Variants in HIVEP1 observed in about 807,000 individuals in gnomAD.
HIVEP1 encodes HIVEP zinc finger 1.
In HIVEP1, 36 loss-of-function variants were observed where a neutral mutation model predicts 180.0. The observed-to-expected ratio is 0.20, with a 90% CI of 0.15 to 0.26. The LOEUF (loss-of-function observed/expected upper bound fraction) is 0.26, where lower values mean the gene tolerates loss of function less well. Among genes scored for constraint, HIVEP1 ranks in the 10% least tolerant of loss-of-function variants. The pLI is 1.00. For missense variants in HIVEP1, 3,143 were observed against 3,268.7 expected (o/e 0.96, Z 0.94); for synonymous variants, 1,239 against 1,239.0 (o/e 1.00, Z 0.00).
At chr6:12,090,735 C>CTTTTTTTTTTTTTTTTTTT (rs35266647) in intron 3 of HIVEP1, among the ~76,000 whole-genome samples, 9 of 82,440 alleles carry the variant, frequency 1.1e-4, no homozygotes, top group African/African-American at 4.2e-4. Context: ...TATAGCCAGC[C>CTTTTTTTTTTTTTTTTTTT]TTTTTTTTTT....
At chr6:12,162,662 A>G (rs925656101) in intron 8 of HIVEP1, among the ~76,000 whole-genome samples, 1 of 152,174 alleles carries the variant, frequency 6.6e-6, no homozygotes, top group African/African-American at 2.4e-5. Context: ...AATAGGATTT[A>G]TGCCTAATTG....
At chr6:12,096,112 T>C (rs1773768681) in intron 3 of HIVEP1, among the ~76,000 whole-genome samples, 1 of 152,060 alleles carries the variant, frequency 6.6e-6, no homozygotes, top group Non-Finnish European at 1.5e-5. Context: ...TACCAGTAAT[T>C]TCTTTTCAGC....
intron 1 of HIVEP1, among the ~76,000 whole-genome samples, chr6:12,015,083 C>T (rs913084235): frequency 6.6e-6 from 1 of 152,214 alleles, no homozygotes; most frequent in African/African-American, 2.4e-5. Context: ...GTGGTCCTAC[C>T]ATGAACCTAG....
chr6:12,175,567 T>C, the HIVEP1 span, among the ~76,000 whole-genome samples: 1 of 152,250 alleles, frequency 6.6e-6, no homozygotes, highest in Non-Finnish European at 1.5e-5. Context: ...TGCAAGTCCA[T>C]GGTCAGATGT....
intron 2 of HIVEP1, among the ~76,000 whole-genome samples, chr6:12,066,050 A>T (rs1771558152): frequency 6.6e-6 from 1 of 152,088 alleles, no homozygotes; most frequent in South Asian, 2.1e-4. Context: ...ATGAGAAGGA[A>T]CACCATGAGC....
rs70981665 is a variant in HIVEP1 at position 12,104,425 on chromosome 6, C to CTTTTTTTTTT, written c.94+15203_94+15212dup. On this transcript the variant is annotated intron_variant, in intron 3 of 8. Transcript: ENST00000379388. ...CTCTCTCTCTCTCTCCTTTTCTTTCCTTTTTTTTTTTTTTTTTTTTTTTTC... is the reference window on the plus strand; with the variant it reads ...CTCTCTCTCTCTCTCCTTTTCTTTCCTTTTTTTTTTTTTTTTTTTTTTTTTTTTTTTTTTC... 7.4e-4 allele frequency among the ~76,000 whole-genome samples: 54 copies of CTTTTTTTTTT among 72,776 alleles called. 1 individual carries two copies. The highest frequency in any genetic ancestry group is 1.1e-3 in the Non-Finnish European group (44 of 40,674). The allele number at this position is 72,776 out of a possible 152,430, so 47.7% of individuals were successfully genotyped here.
the HIVEP1 span, among the ~76,000 whole-genome samples, chr6:12,175,590 A>G: frequency 2.0e-5 from 3 of 152,054 alleles, no homozygotes; most frequent in Non-Finnish European, 4.4e-5. Context: ...ATCTGTGACT[A>G]TGTTCAAAAC....
At chr6:12,074,790 G>T (rs1053340749) in intron 2 of HIVEP1, among the ~76,000 whole-genome samples, 17 of 151,924 alleles carry the variant, frequency 1.1e-4, no homozygotes, top group African/African-American at 4.1e-4. Flanking sequence ...ATCAGTATTG[G>T]AGTAGGATTA....
the HIVEP1 span, among the ~76,000 whole-genome samples, chr6:12,171,304 C>T: frequency 5.3e-5 from 8 of 152,302 alleles, no homozygotes; most frequent in South Asian, 1.7e-3. Flanking sequence ...CCTACTGCCT[C>T]AGCCTCCCAA....
At chr6:12,194,231 T>C in the HIVEP1 span, among the ~76,000 whole-genome samples, 3 of 152,184 alleles carry the variant, frequency 2.0e-5, no homozygotes. Context: ...ATAATGTGAC[T>C]TCTAGAAAAT....
At chr6:12,143,145 T>G (rs1759153518) in intron 7 of HIVEP1, among the ~76,000 whole-genome samples, 1 of 152,208 alleles carries the variant, frequency 6.6e-6, no homozygotes, top group Non-Finnish European at 1.5e-5. Context: ...AATAAAATAC[T>G]GGCAAACCAA....
intron 3 of HIVEP1, 69 bp downstream of exon 3, chr6:12,089,306 G>T: frequency 1.2e-6 from 1 of 844,358 alleles, no homozygotes; most frequent in Non-Finnish European, 1.9e-6. Flanking sequence ...CCTCATAAAT[G>T]TAGCCTTATG....
At chr6:12,147,288 G>GA (rs957332025) in intron 7 of HIVEP1, among the ~76,000 whole-genome samples, 2 of 152,128 alleles carry the variant, frequency 1.3e-5, no homozygotes, top group African/African-American at 4.8e-5. Context: ...TCTGACACTT[G>GA]AAAACTATTA....
intron 2 of HIVEP1, among the ~76,000 whole-genome samples, chr6:12,086,570 C>T (rs893794559): frequency 2.0e-5 from 3 of 151,928 alleles, no homozygotes; most frequent in East Asian, 1.9e-4. Flanking sequence ...TCAAGACTTA[C>T]GGTGAGAGAT....
chr6:12,205,013 C>T, the HIVEP1 span, among the ~76,000 whole-genome samples: 5 of 152,156 alleles, frequency 3.3e-5, no homozygotes, highest in East Asian at 5.8e-4. Context: ...GGGCAGAGAG[C>T]GCCTGTGTGT....
chr6:12,132,551 G>A (rs1034356497), intron 6 of HIVEP1, among the ~76,000 whole-genome samples: 2 of 152,146 alleles, frequency 1.3e-5, no homozygotes, highest in Admixed American at 1.3e-4. Flanking sequence ...AAAATATGAT[G>A]AGTCACAAAT....
chr6:12,118,170 T>C (rs1444185460), intron 3 of HIVEP1, among the ~76,000 whole-genome samples: 4 of 151,514 alleles, frequency 2.6e-5, no homozygotes, highest in African/African-American at 9.7e-5. Flanking sequence ...TGGGTAAATA[T>C]ATCTTTAATG....
rs1760555802 is a variant in HIVEP1, at chr6:12,163,686, G to T, written c.7382G>T (p.Ser2461Ile). The change falls in exon 9 of 9, where the codon AGC (serine) becomes ATC (isoleucine). Residue 2461 changes from serine (S) to isoleucine (I), a missense_variant. Ser to Ile is a moderately radical substitution (Grantham distance 142). Transcript: ENST00000379388. ...TTNPAGVAELSSVVPCIPIGQ... is the reference protein window; with the variant it reads ...TTNPAGVAELISVVPCIPIGQ... ...AACCCTGCTGGAGTGGCTGAATTAAGCAGTGTTGTGCCATGTATTCCTATC... is the reference window on the plus strand; with the variant it reads ...AACCCTGCTGGAGTGGCTGAATTAATCAGTGTTGTGCCATGTATTCCTATC... 1.9e-6 allele frequency: 3 copies of T among 1,614,028 alleles called. No homozygotes were observed. The highest frequency in any genetic ancestry group is 1.7e-6 in the Non-Finnish European group (2 of 1,180,040).
the HIVEP1 span, among the ~76,000 whole-genome samples, chr6:12,201,266 C>T: frequency 3.6e-3 from 541 of 152,214 alleles, 2 homozygotes; most frequent in African/African-American, 0.012. Context: ...CGTTTGAGCC[C>T]AGGAGTTTGA....
Sources: gnomAD v4.1 joint callset for allele counts (sites outside exome capture counted in the v4.1 genomes callset) on GRCh38, gnomAD v4.1.1 for gene constraint, MANE v1.5 for transcripts, NCBI Gene and HGNC (gene_info 2026-07-23, HGNC 2026-07-21) for gene names.